The following ADAMTS2 variants were observed in gnomAD, a reference collection of about 807,000 sequenced individuals.
The protein encoded by ADAMTS2 is ADAM metallopeptidase with thrombospondin type 1 motif 2, also known as A disintegrin and metalloproteinase with thrombospondin motifs 2.
A neutral mutation model predicts 123.0 loss-of-function variants in ADAMTS2; 50 were observed. That is an observed-to-expected ratio of 0.41 (90% CI 0.32 to 0.51). ADAMTS2 has a LOEUF of 0.51. Ranked by LOEUF, ADAMTS2 falls within the 20% of genes least tolerant of loss-of-function variation. The pLI, the probability that ADAMTS2 is intolerant of heterozygous loss-of-function variation, is 0.35. For synonymous variants in ADAMTS2, 678 were observed against 695.4 expected (o/e 0.98, Z 0.39); for missense variants, 1,494 against 1,705.2 (o/e 0.88, Z 2.18).
rs532782030 is a variant in ADAMTS2 at position 179,225,347 on chromosome 5, A to G, written c.689-17632T>C. 9.2e-5 allele frequency among the ~76,000 whole-genome samples: 14 copies of G among 152,336 alleles called. No homozygotes were observed. The East Asian group carries it at 2.7e-3, about 29-fold the overall frequency. ...ATTGATACAAAAGTGCTGGGTAGAG[A>G]AGGGCATGCTCCCTTTAAATGATAT... On this transcript the variant is annotated intron_variant, in intron 3 of 21. Transcript: ENST00000251582. This position sits in a 1 kb window ranked among gnomAD's most constrained non-coding sequence, Gnocchi z 4.5.
chr5:179,143,429 G>GAA (rs546474818), intron 10 of ADAMTS2, among the ~76,000 whole-genome samples: 29 of 77,194 alleles, frequency 3.8e-4, no homozygotes, highest in African/African-American at 9.3e-4. Context: ...ACTCTGTCTC[G>GAA]AAAAAAAAAA....
intron 3 of ADAMTS2, among the ~76,000 whole-genome samples, chr5:179,214,317 A>T (rs947848313): frequency 1.3e-5 from 2 of 152,228 alleles, no homozygotes; most frequent in Admixed American, 1.3e-4. Context: ...AAAATCAGAG[A>T]TAACAATAAA....
In ADAMTS2 at chr5:179,198,167, G is replaced by A. The variant is rs1764472565; in HGVS notation, c.891+9346C>T. ...GGGCGGGGGGCGGGCCTGGGCAGAG[G>A]AGAGCCCCTTATCCTCCCGGCTGGG... On this transcript the variant is annotated intron_variant, in intron 4 of 21. Coordinates refer to ENST00000251582, the MANE Select transcript of ADAMTS2 (RefSeq NM_014244.5). Among the ~76,000 whole-genome samples, 5 of 152,336 alleles carry A rather than the reference G, an allele frequency of 3.3e-5. No individual in the cohort carries two copies. In the South Asian group the frequency reaches 1.0e-3, roughly 32 times the overall value.
intron 3 of ADAMTS2, among the ~76,000 whole-genome samples, chr5:179,220,190 C>T (rs1477138181): frequency 6.6e-6 from 1 of 152,198 alleles, no homozygotes; most frequent in African/African-American, 2.4e-5. Context: ...TGAAAATATT[C>T]ACTGTGAACT....
intron 2 of ADAMTS2, among the ~76,000 whole-genome samples, chr5:179,297,163 C>T (rs976545002): frequency 6.6e-6 from 1 of 152,140 alleles, no homozygotes; most frequent in African/African-American, 2.4e-5. Context: ...CGAACGGCCA[C>T]TCCCAGTGGG....
At chr5:179,283,303 C>T (rs1197910042) in intron 2 of ADAMTS2, among the ~76,000 whole-genome samples, 1 of 151,710 alleles carries the variant, frequency 6.6e-6, no homozygotes, top group African/African-American at 2.4e-5. Flanking sequence ...AATTGCCAAA[C>T]AAGCCCACAA....
intron 3 of ADAMTS2, among the ~76,000 whole-genome samples, chr5:179,219,455 T>C (rs1765075214): frequency 6.6e-6 from 1 of 152,248 alleles, no homozygotes; most frequent in Admixed American, 6.5e-5. Flanking sequence ...CACAGCTCTC[T>C]TGAACGATTG....
At position 179,188,406 on chromosome 5, in the gene ADAMTS2, G is replaced by A. The variant is rs1764222850; in HGVS notation, c.892-7251C>T. ...AGAGAAGAGAGTGCAGCCAGGAGCA[G>A]GGGACAGAGGTCTGCTGGCCTCCGT... is the stretch of plus-strand genomic sequence containing the variant. On this transcript the variant is annotated intron_variant, in intron 4 of 21. Transcript: ENST00000251582. The surrounding 1 kb of genome is among the most constrained non-coding windows in gnomAD (Gnocchi z 5.1). Among the ~76,000 whole-genome samples the A allele has an allele frequency of 6.6e-6, 1 of 152,206 alleles. No individual in the cohort carries two copies.
rs1757032388 is a variant in ADAMTS2 at position 179,317,428 on chromosome 5, G to A, written c.534+26339C>T. 1.3e-5 allele frequency among the ~76,000 whole-genome samples: 2 copies of A among 152,166 alleles called. No homozygotes were observed. The highest frequency in any genetic ancestry group is 2.4e-5 in the African/African-American group (1 of 41,444). ...ACAGGAAAGGAGCTTGAAGACCCAG[G>A]AGGCCACAGCACAGTTCCTCGTGGA... On this transcript the variant is annotated intron_variant, in intron 2 of 21. Transcript: ENST00000251582. This position sits in a 1 kb window ranked among gnomAD's most constrained non-coding sequence, Gnocchi z 4.9.
At chr5:179,195,832 C>T (rs1764416731) in intron 4 of ADAMTS2, among the ~76,000 whole-genome samples, 1 of 152,234 alleles carries the variant, frequency 6.6e-6, no homozygotes, top group Non-Finnish European at 1.5e-5. Flanking sequence ...CCAGCAACAC[C>T]CCCAGGGCCA....
At chr5:179,310,345 G>GC (rs984078580) in intron 2 of ADAMTS2, among the ~76,000 whole-genome samples, 2 of 152,224 alleles carry the variant, frequency 1.3e-5, no homozygotes, top group African/African-American at 2.4e-5. Flanking sequence ...TGGGGGCTCA[G>GC]CCCCCCAGCT....
Position 179,343,862 on chromosome 5 carries a change from G to C in ADAMTS2, c.439C>G (p.Arg147Gly), listed in dbSNP as rs1757854963. 2 of 1,598,122 alleles carry C rather than the reference G, an allele frequency of 1.3e-6. No individual in the cohort carries two copies. The highest frequency in any genetic ancestry group is 1.7e-6 in the Non-Finnish European group (2 of 1,174,216). ...CAGCTCCCGAGCAGGGGCTCCACGC[G>C]GGTGGTGCCCTTCTCGCCCTGCCAC... is the stretch of plus-strand genomic sequence containing the variant. ...MEWQGEKGTT[R>G]VEPLLGSCLY... The change falls in exon 2 of 22, where the codon CGC (arginine) becomes GGC (glycine). Residue 147 changes from arginine (R) to glycine (G), a missense_variant. By Grantham distance (125) the Arg-to-Gly change is moderately radical. Transcript: ENST00000251582.
intron 3 of ADAMTS2, among the ~76,000 whole-genome samples, chr5:179,227,267 T>C (rs970203411): frequency 2.3e-4 from 35 of 152,332 alleles, no homozygotes; most frequent in African/African-American, 7.7e-4. Context: ...GCATTTCATA[T>C]GGCTGCAATC....
intron 2 of ADAMTS2, among the ~76,000 whole-genome samples, chr5:179,288,320 G>A (rs540448361): frequency 2.0e-5 from 3 of 152,348 alleles, no homozygotes; most frequent in South Asian, 2.1e-4. Flanking sequence ...ACTCCCGGGC[G>A]GGCAGCCCTG....
rs114827273 is a variant in ADAMTS2, at chr5:179,138,513, C to T, written c.1776-569G>A. On this transcript the variant is annotated intron_variant, in intron 11 of 21. Transcript: ENST00000251582. ...GAGAAGGCGGGCTGCGTTTCTGCAACGTCTTCGCTTCACTGGGAACAGCAC... is the reference window on the plus strand; with the variant it reads ...GAGAAGGCGGGCTGCGTTTCTGCAATGTCTTCGCTTCACTGGGAACAGCAC... 7.8e-3 allele frequency among the ~76,000 whole-genome samples: 1,185 copies of T among 152,354 alleles called. 4 individuals carry two copies. Among genetic ancestry groups the T allele is most frequent in the Middle Eastern group, 0.024 (7 of 294 alleles).
At chr5:179,121,536 C>T in intron 21 of ADAMTS2, 125 bp downstream of exon 21, 1 of 755,120 alleles carries the variant, frequency 1.3e-6, no homozygotes, top group African/African-American at 1.8e-5. Context: ...ACGGTCACCC[C>T]AGAGCGCGCC....
intron 2 of ADAMTS2, among the ~76,000 whole-genome samples, chr5:179,284,117 C>T (rs1458122945): frequency 2.0e-5 from 3 of 151,046 alleles, no homozygotes; most frequent in Non-Finnish European, 4.4e-5. Flanking sequence ...GATCACAAGG[C>T]CAGGAGTTCA....
intron 5 of ADAMTS2, among the ~76,000 whole-genome samples, chr5:179,167,137 C>G (rs74323278): frequency 0.019 from 2,929 of 152,274 alleles, 107 homozygotes; most frequent in African/African-American, 0.067. Flanking sequence ...ACCTCGCTTC[C>G]ACTTCATTTT....
chr5:179,150,569 C>T (rs35814218), intron 10 of ADAMTS2, among the ~76,000 whole-genome samples: 30,293 of 152,178 alleles, frequency 0.2, 3,475 homozygotes, highest in East Asian at 0.33. Flanking sequence ...CACACCCACA[C>T]GACGGGAGGT....
Sources: allele counts gnomAD v4.1 joint callset (sites outside exome capture counted in the v4.1 genomes callset), GRCh38; gene constraint gnomAD v4.1.1; non-coding constraint Gnocchi (gnomAD v3.1); transcripts MANE v1.5; gene names NCBI Gene and HGNC (gene_info 2026-07-23, HGNC 2026-07-21).